Variants in FNBP1 observed in about 807,000 individuals in gnomAD.
FNBP1 encodes the protein formin binding protein 1.
Under a neutral mutation model 90.6 loss-of-function variants are expected in FNBP1, and 26 were observed. The observed-to-expected ratio is 0.29, with a 90% CI of 0.21 to 0.40. The LOEUF (loss-of-function observed/expected upper bound fraction) is 0.40, where lower values mean the gene tolerates loss of function less well. Ranked by LOEUF, FNBP1 falls within the 10% of genes least tolerant of loss-of-function variation. FNBP1 has a pLI of 1.00. For synonymous variants in FNBP1, 260 were observed against 265.2 expected, an observed-to-expected ratio of 0.98 and a Z score of 0.19; for missense variants, 635 against 768.0, an observed-to-expected ratio of 0.83 and a Z score of 2.05.
intron 7 of FNBP1, among the ~76,000 whole-genome samples, chr9:129,928,036 A>G (rs1388586624): frequency 6.6e-6 from 1 of 152,216 alleles, no homozygotes; most frequent in Non-Finnish European, 1.5e-5. Context: ...CCTCAGCCCA[A>G]TACATGCTAG....
At chr9:129,898,777 T>C (rs941752003) in intron 15 of FNBP1, among the ~76,000 whole-genome samples, 7 of 151,922 alleles carry the variant, frequency 4.6e-5, no homozygotes, top group Admixed American at 4.6e-4. Flanking sequence ...CGTGAGCCAC[T>C]GCACCCAGCC....
At chr9:129,988,065 C>T (rs1357206849) in intron 2 of FNBP1, among the ~76,000 whole-genome samples, 1 of 151,860 alleles carries the variant, frequency 6.6e-6, no homozygotes, top group Non-Finnish European at 1.5e-5. Flanking sequence ...AAGAGAAATG[C>T]AATTTAAGAC....
At chr9:130,023,007 G>C (rs1247090274) in intron 1 of FNBP1, among the ~76,000 whole-genome samples, 2 of 151,998 alleles carry the variant, frequency 1.3e-5, no homozygotes, top group Non-Finnish European at 2.9e-5. Context: ...ACAGAAGAAG[G>C]ATTAATAGTT....
At chr9:129,959,093 A>G (rs964349549) in intron 4 of FNBP1, among the ~76,000 whole-genome samples, 1 of 151,566 alleles carries the variant, frequency 6.6e-6, no homozygotes, top group African/African-American at 2.4e-5. Flanking sequence ...GGGGAAAAAA[A>G]GCAGTCACAG....
At chr9:130,028,424 TG>T (rs2132085332) in intron 1 of FNBP1, among the ~76,000 whole-genome samples, 1 of 152,322 alleles carries the variant, frequency 6.6e-6, no homozygotes, top group South Asian at 2.1e-4. Context: ...ACTATTAGTC[TG>T]TCTTCAAAAG....
chr9:129,957,074 G>A lies in FNBP1; in HGVS notation c.513+286C>T, dbSNP rs548280761. On this transcript the variant is annotated intron_variant, in intron 6 of 16. Coordinates refer to ENST00000446176, the MANE Select transcript of FNBP1 (RefSeq NM_015033.3). This position sits in a 1 kb window ranked among gnomAD's most constrained non-coding sequence, Gnocchi z 4.3. ...TTTTTTTGGCGATAGTTTCGCTCTTGTTACCCAGGCTGGAGTGCAGTGGCG... is the reference window on the plus strand; with the variant it reads ...TTTTTTTGGCGATAGTTTCGCTCTTATTACCCAGGCTGGAGTGCAGTGGCG... 1.4e-5 allele frequency among the ~76,000 whole-genome samples: 2 copies of A among 142,640 alleles called. No homozygotes were observed. Among genetic ancestry groups the A allele is most frequent in the Non-Finnish European group, 3.0e-5 (2 of 66,400 alleles). The allele number at this position is 142,640 out of a possible 152,430, so 93.6% of individuals were successfully genotyped here.
At chr9:129,977,484 A>ATTTTTTTTTTTTTTTTTTTT (rs34068585) in intron 4 of FNBP1, among the ~76,000 whole-genome samples, 1 of 139,262 alleles carries the variant, frequency 7.2e-6, no homozygotes. Flanking sequence ...ACAAGCACTA[A>ATTTTTTTTTTTTTTTTTTTT]TTTTTTTTTT....
intron 6 of FNBP1, among the ~76,000 whole-genome samples, chr9:129,931,408 C>A (rs777052968): frequency 2.6e-5 from 4 of 151,770 alleles, no homozygotes; most frequent in African/African-American, 7.3e-5. Flanking sequence ...TCAAGACCAT[C>A]CTGGCTAACA....
chr9:129,944,162 G>C (rs762722641), intron 6 of FNBP1, among the ~76,000 whole-genome samples: 1 of 151,956 alleles, frequency 6.6e-6, no homozygotes, highest in South Asian at 2.1e-4. Flanking sequence ...CTTCATGAAA[G>C]GTATCTATTA....
chr9:130,037,723 C>T (rs1338196291), intron 1 of FNBP1, among the ~76,000 whole-genome samples: 3 of 151,886 alleles, frequency 2.0e-5, no homozygotes, highest in Admixed American at 1.3e-4. Flanking sequence ...TGCTATGAAC[C>T]GAAACTGCTC....
At chr9:130,004,920 GC>G (rs1055236908) in intron 1 of FNBP1, among the ~76,000 whole-genome samples, 7 of 152,046 alleles carry the variant, frequency 4.6e-5, no homozygotes, top group African/African-American at 1.7e-4. Context: ...ACAAAAATTA[GC>G]CATGCATGGT....
chr9:129,963,130 A>G (rs2048072712), intron 4 of FNBP1, among the ~76,000 whole-genome samples: 1 of 152,214 alleles, frequency 6.6e-6, no homozygotes, highest in African/African-American at 2.4e-5. Context: ...GCACCAATTC[A>G]GAGCTGTACT....
At chr9:130,050,097 T>C in the FNBP1 span, among the ~76,000 whole-genome samples, 2 of 152,210 alleles carry the variant, frequency 1.3e-5, no homozygotes, top group African/African-American at 4.8e-5. Context: ...CTAATGAAAT[T>C]CTCAGGATTT....
At chr9:129,953,482 T>A (rs1339430108) in intron 6 of FNBP1, among the ~76,000 whole-genome samples, 1 of 151,958 alleles carries the variant, frequency 6.6e-6, no homozygotes, top group Non-Finnish European at 1.5e-5. Flanking sequence ...AGAATGAGAC[T>A]ACGTCTCAGA....
At chr9:129,934,118 G>C (rs2043119251) in intron 6 of FNBP1, among the ~76,000 whole-genome samples, 1 of 152,190 alleles carries the variant, frequency 6.6e-6, no homozygotes, top group South Asian at 2.1e-4. Flanking sequence ...TAATGTCTAA[G>C]ACTAAGTGGA....
intron 16 of FNBP1, among the ~76,000 whole-genome samples, chr9:129,893,489 T>C (rs1197441246): frequency 6.7e-6 from 1 of 149,754 alleles, no homozygotes; most frequent in Admixed American, 6.7e-5. Context: ...GGCAGGCACC[T>C]GTAATCCCAG....
Position 129,960,770 on chromosome 9 carries a change from G to A in FNBP1, c.346-2217C>T, listed in dbSNP as rs183099171. On this transcript the variant is annotated intron_variant, in intron 4 of 16. Transcript: ENST00000446176. ...ACAATCCTGGAGATTACTGCAACTTGGACAGGTTGTAGGTAGCGAGCAGTG... is the reference window on the plus strand; with the variant it reads ...ACAATCCTGGAGATTACTGCAACTTAGACAGGTTGTAGGTAGCGAGCAGTG... 1.4e-4 allele frequency among the ~76,000 whole-genome samples: 21 copies of A among 152,182 alleles called. No individual in the cohort carries two copies. The South Asian group carries it at 3.5e-3, about 26-fold the overall frequency.
At chr9:129,898,739 C>T (rs532217818) in intron 15 of FNBP1, among the ~76,000 whole-genome samples, 1 of 152,210 alleles carries the variant, frequency 6.6e-6, no homozygotes, top group South Asian at 2.1e-4. Flanking sequence ...CCGCCTGCCT[C>T]GGCCTCCCAA....
At chr9:130,039,577 A>G (rs2059639947) in intron 1 of FNBP1, among the ~76,000 whole-genome samples, 2 of 151,856 alleles carry the variant, frequency 1.3e-5, no homozygotes, top group African/African-American at 4.8e-5. Context: ...TCAGGAGGCT[A>G]AGGCAAGAGA....
Sources: allele counts gnomAD v4.1 joint callset (sites outside exome capture counted in the v4.1 genomes callset), GRCh38; gene constraint gnomAD v4.1.1; non-coding constraint Gnocchi (gnomAD v3.1); transcripts MANE v1.5; gene names NCBI Gene and HGNC (gene_info 2026-07-23, HGNC 2026-07-21).